The following MARCHF10 variants were observed in gnomAD, a reference collection of about 807,000 sequenced individuals.
MARCHF10 encodes membrane associated ring-CH-type finger 10.
A neutral mutation model predicts 76.2 loss-of-function variants in MARCHF10; 64 were observed. That is an observed-to-expected ratio of 0.84 (90% confidence interval 0.69 to 1.03). MARCHF10 has a LOEUF of 1.03. Among genes scored for constraint, MARCHF10 ranks in the 50% least tolerant of loss-of-function variants. The pLI, the probability that MARCHF10 is intolerant of heterozygous loss-of-function variation, is 0.00. For synonymous variants in MARCHF10, 340 were observed against 357.5 expected, an observed-to-expected ratio of 0.95 and a Z score of 0.55; for missense variants, 875 against 958.0, an observed-to-expected ratio of 0.91 and a Z score of 1.14.
intron 2 of MARCHF10, among the ~76,000 whole-genome samples, chr17:62,792,474 A>G (rs187641093): frequency 1.3e-5 from 2 of 151,980 alleles, no homozygotes; most frequent in East Asian, 3.9e-4. Context: ...AAGGGTGCCT[A>G]CTAACACCAT....
chr17:62,757,693 C>T (rs770592058), intron 4 of MARCHF10, among the ~76,000 whole-genome samples: 1 of 152,200 alleles, frequency 6.6e-6, no homozygotes, highest in Non-Finnish European at 1.5e-5. Context: ...GCCCTGCTGA[C>T]GTCTGCATGG....
intron 3 of MARCHF10, among the ~76,000 whole-genome samples, chr17:62,776,759 C>A (rs1298078727): frequency 1.3e-5 from 2 of 152,156 alleles, no homozygotes; most frequent in African/African-American, 4.8e-5. Context: ...ACAAGTGAGT[C>A]CTGGGTCAAC....
intron 2 of MARCHF10, among the ~76,000 whole-genome samples, chr17:62,801,193 G>T (rs1193293764): frequency 6.6e-6 from 1 of 152,132 alleles, no homozygotes; most frequent in Non-Finnish European, 1.5e-5. Context: ...GAGTCTCGCT[G>T]TGTTGCCCAG....
chr17:62,704,162 G>A (rs1230943527), intron 10 of MARCHF10, among the ~76,000 whole-genome samples: 1 of 151,486 alleles, frequency 6.6e-6, no homozygotes, highest in African/African-American at 2.4e-5. Flanking sequence ...TTCCGGAGCG[G>A]GAGGCCCTCG....
chr17:62,750,686 A>G lies in MARCHF10; in HGVS notation c.383-6158T>C, dbSNP rs530395778. On this transcript the variant is annotated intron_variant, in intron 4 of 10. Coordinates refer to ENST00000311269, the MANE Select transcript of MARCHF10 (RefSeq NM_152598.4). ...CTCCTGCCCAGGAGGCACCTGGCCT[A>G]GATCTCAGCGTCACTGCGGAGTTAA... 4 of 152,576 alleles carry G rather than the reference A, an allele frequency of 2.6e-5. No individual in the cohort carries two copies. The East Asian group carries it at 7.7e-4, about 29-fold the overall frequency. The allele number at this position is 152,576 out of a possible 1,614,324, so 9.5% of individuals were successfully genotyped here.
chr17:62,759,927 G>A lies in MARCHF10; in HGVS notation c.290C>T (p.Pro97Leu). ...ISAFKCDSKLPAIDQTSVKQK... is the reference protein window; with the variant it reads ...ISAFKCDSKLLAIDQTSVKQK... ...CTTGACTGATGTTTGGTCAATTGCT[G>A]GAAGTTTGGAGTCACACTTAAATGC... Residue 97 changes from proline to leucine, a missense_variant, in exon 4 of 11, where the codon CCA becomes CTA. Coordinates refer to ENST00000311269, the MANE Select transcript of MARCHF10 (RefSeq NM_152598.4). The A allele has an allele frequency of 6.2e-7, 1 of 1,613,970 alleles. No individual in the cohort carries two copies. Among genetic ancestry groups the A allele is most frequent in the East Asian group, 2.2e-5 (1 of 44,876 alleles).
rs776198474 is a variant in MARCHF10 at position 62,744,372 on chromosome 17, T to C, written c.535+4A>G. On this transcript the variant is annotated splice_donor_region_variant and intron_variant, in intron 5 of 10. Coordinates refer to ENST00000311269, the MANE Select transcript of MARCHF10 (RefSeq NM_152598.4). ...ACAAAGGTTCGGGAGCCCCGGGTCC[T>C]TACCTGCTCCCCTGGGAACCGGCAC... 2 of 1,613,210 alleles carry C rather than the reference T, an allele frequency of 1.2e-6. No homozygotes were observed. The highest frequency in any genetic ancestry group is 4.5e-5 in the East Asian group (2 of 44,876).
At chr17:62,750,899 C>T (rs548945547) in intron 4 of MARCHF10, among the ~76,000 whole-genome samples, 8 of 152,304 alleles carry the variant, frequency 5.3e-5, no homozygotes, top group South Asian at 2.1e-4. Flanking sequence ...CAACAGATGG[C>T]GCCCCGCAGG....
intron 2 of MARCHF10, among the ~76,000 whole-genome samples, chr17:62,793,065 C>T (rs1204907074): frequency 1.4e-5 from 2 of 147,890 alleles, no homozygotes; most frequent in African/African-American, 5.0e-5. Context: ...CCATCACTAC[C>T]AACACCTCCA....
chr17:62,767,546 G>A (rs2092362272), intron 3 of MARCHF10, among the ~76,000 whole-genome samples: 1 of 148,070 alleles, frequency 6.8e-6, no homozygotes, highest in East Asian at 2.0e-4. Context: ...CACCTCCCAG[G>A]TTCAAGTGAT....
intron 10 of MARCHF10, among the ~76,000 whole-genome samples, chr17:62,702,931 G>GC (rs1347043113): frequency 1.3e-5 from 2 of 152,118 alleles, no homozygotes; most frequent in Non-Finnish European, 2.9e-5. Flanking sequence ...CCTCACACCC[G>GC]CCCCTGTTCC....
chr17:62,773,945 A>T (rs1483273312), intron 3 of MARCHF10, among the ~76,000 whole-genome samples: 1 of 152,172 alleles, frequency 6.6e-6, no homozygotes, highest in Non-Finnish European at 1.5e-5. Context: ...GATGGGTGGG[A>T]TTTCACCAGA....
intron 4 of MARCHF10, among the ~76,000 whole-genome samples, chr17:62,755,796 G>T (rs1163634239): frequency 1.3e-5 from 2 of 152,154 alleles, no homozygotes; most frequent in Non-Finnish European, 2.9e-5. Flanking sequence ...AGTTGTACCT[G>T]CATTTATGTT....
At chr17:62,722,672 T>C (rs1306684705) in intron 7 of MARCHF10, 75 bp from the exon 8 acceptor site, 6 of 1,235,132 alleles carry the variant, frequency 4.9e-6, no homozygotes, top group East Asian at 2.5e-5. Context: ...CAGGTGATAT[T>C]TGGGGAGTGA....
At chr17:62,746,892 T>C (rs936490174) in intron 4 of MARCHF10, 57 of 1,535,960 alleles carry the variant, frequency 3.7e-5, no homozygotes, top group Non-Finnish European at 4.8e-5. Flanking sequence ...CTTCTGCTCA[T>C]GGGACCTTTC....
At chr17:62,785,706 A>G (rs2092733346) in intron 3 of MARCHF10, among the ~76,000 whole-genome samples, 2 of 152,214 alleles carry the variant, frequency 1.3e-5, no homozygotes, top group South Asian at 4.1e-4. Flanking sequence ...CCCATCAAAA[A>G]GTGGGCAAAG....
chr17:62,797,373 T>C (rs1313404977), intron 2 of MARCHF10, among the ~76,000 whole-genome samples: 1 of 151,968 alleles, frequency 6.6e-6, no homozygotes, highest in Admixed American at 6.6e-5. Context: ...CCCAGCTAAT[T>C]TTTTGTATTT....
chr17:62,777,185 T>G (rs2092567689), intron 3 of MARCHF10, among the ~76,000 whole-genome samples: 1 of 152,154 alleles, frequency 6.6e-6, no homozygotes, highest in African/African-American at 2.4e-5. Flanking sequence ...AGGTGCACAT[T>G]CCTAAAACAT....
intron 5 of MARCHF10, 92 bp downstream of exon 5, chr17:62,744,284 A>C (rs567173604): frequency 7.4e-7 from 1 of 1,353,692 alleles, no homozygotes; most frequent in South Asian, 1.4e-5. Flanking sequence ...TTAAAAGTAC[A>C]AGTATCTAAA....
Sources: gnomAD v4.1 joint callset for allele counts (sites outside exome capture counted in the v4.1 genomes callset) on GRCh38, gnomAD v4.1.1 for gene constraint, MANE v1.5 for transcripts, NCBI Gene and HGNC (gene_info 2026-07-23, HGNC 2026-07-21) for gene names.